UBAP2: variants seen among roughly 807,000 people sequenced by gnomAD.
The protein encoded by UBAP2 is ubiquitin-associated protein 2.
A neutral mutation model predicts 139.6 loss-of-function variants in UBAP2; 75 were observed. That is an observed-to-expected ratio of 0.54 (90% CI 0.45 to 0.65). UBAP2 has a LOEUF of 0.65. Ranked by LOEUF, UBAP2 falls within the 30% of genes least tolerant of loss-of-function variation. The pLI, the probability that UBAP2 is intolerant of heterozygous loss-of-function variation, is 0.00. For missense variants in UBAP2, 1,368 were observed against 1,369.6 expected (o/e 1.00, Z 0.02); for synonymous variants, 526 against 526.2 (o/e 1.00, Z 0.01).
intron 11 of UBAP2, among the ~76,000 whole-genome samples, chr9:33,954,269 T>TATACACACACACACACACAC (rs370755129): frequency 5.0e-5 from 7 of 139,810 alleles, no homozygotes; most frequent in Admixed American, 1.4e-4. Context: ...TGTGTGTATA[T>TATACACACACACACACACAC]ACACACACAC....
chr9:33,967,686 C>T (rs1827576459), intron 8 of UBAP2, among the ~76,000 whole-genome samples: 2 of 152,106 alleles, frequency 1.3e-5, no homozygotes, highest in Admixed American at 1.3e-4. Flanking sequence ...ATCTTGCTTC[C>T]AGATTTTATA....
chr9:34,003,457 C>T (rs547537111), intron 2 of UBAP2, among the ~76,000 whole-genome samples: 8 of 151,114 alleles, frequency 5.3e-5, no homozygotes, highest in East Asian at 3.9e-4. Flanking sequence ...CTGCAACCTC[C>T]GCCTCCCAGG....
At chr9:33,977,035 T>C (rs547265430) in intron 6 of UBAP2, among the ~76,000 whole-genome samples, 20 of 144,990 alleles carry the variant, frequency 1.4e-4, no homozygotes, top group African/African-American at 5.0e-4. Context: ...ACAGTTGTTT[T>C]TTATTTATTT....
At position 34,046,799 on chromosome 9, in the gene UBAP2, C is replaced by T. The variant is rs79887469; in HGVS notation, c.-42+2026G>A. Among the ~76,000 whole-genome samples, 365 of 152,192 alleles carry T rather than the reference C, an allele frequency of 2.4e-3. 3 individuals carry two copies. The highest frequency in any genetic ancestry group is 7.9e-3 in the African/African-American group (328 of 41,524). Reference sequence around the variant, plus strand: ...CAATACAAGTACATATTGAAATAAACCTATTAGTCTACATGTTCTCACACC... The same window carrying T: ...CAATACAAGTACATATTGAAATAAATCTATTAGTCTACATGTTCTCACACC... On this transcript the variant is annotated intron_variant, in intron 1 of 28. Transcript: ENST00000379238.
intron 4 of UBAP2, chr9:33,995,415 A>ATATTTATAT (rs2131176166): frequency 7.3e-6 from 1 of 137,012 alleles, no homozygotes; most frequent in African/African-American, 2.8e-5. Flanking sequence ...TAAAGTATAT[A>ATATTTATAT]TATTTATATA....
In UBAP2 at chr9:34,005,186, C is replaced by T. The variant is rs942413830; in HGVS notation, c.100-6322G>A. Among the ~76,000 whole-genome samples, 6 of 151,502 alleles carry T rather than the reference C, an allele frequency of 4.0e-5. No homozygotes were observed. In the East Asian group the frequency reaches 5.8e-4, roughly 15 times the overall value. ...GTTGAGGCACAAGAATCATTTGAAC[C>T]CGAGAGGCGGAGGTTGCAGTGAGCT... On this transcript the variant is annotated intron_variant, in intron 2 of 28. Coordinates refer to ENST00000379238, the MANE Select transcript of UBAP2 (RefSeq NM_001370062.2).
intron 12 of UBAP2, among the ~76,000 whole-genome samples, chr9:33,949,842 C>T (rs1328469206): frequency 6.6e-6 from 1 of 152,160 alleles, no homozygotes; most frequent in East Asian, 1.9e-4. Context: ...ACCATAGACA[C>T]TGCTATTTTC....
At chr9:33,949,732 C>A (rs973220102) in intron 12 of UBAP2, among the ~76,000 whole-genome samples, 1 of 152,106 alleles carries the variant, frequency 6.6e-6, no homozygotes, top group East Asian at 1.9e-4. Context: ...TGCACGCGCA[C>A]ACACGCACAA....
At position 33,981,096 on chromosome 9, in the gene UBAP2, TATTCTGG is replaced by T. The variant is rs1298189546; in HGVS notation, c.520+5657_520+5663del. ...ATATATATATATATATATATATATA[TATTCTGG>T]ATATATATATATATATATATATATA... On this transcript the variant is annotated intron_variant, in intron 6 of 28. Coordinates refer to ENST00000379238, the MANE Select transcript of UBAP2 (RefSeq NM_001370062.2). Among the ~76,000 whole-genome samples, 8 of 7,408 alleles carry T rather than the reference TATTCTGG, an allele frequency of 1.1e-3. 3 individuals carry two copies. In the South Asian group the frequency reaches 0.029, roughly 27 times the overall value. 4.9% of individuals were successfully genotyped at this position (7,408 alleles called of 152,430 possible).
At chr9:33,925,364 C>T (rs540434448) in intron 22 of UBAP2, among the ~76,000 whole-genome samples, 54 of 152,260 alleles carry the variant, frequency 3.5e-4, no homozygotes, top group Middle Eastern at 3.4e-3. Flanking sequence ...TCACAGAACA[C>T]GAGAATTCTC....
At position 33,981,126 on chromosome 9, in the gene UBAP2, A is replaced by C. The variant is rs1341228160; in HGVS notation, c.520+5634T>G. On this transcript the variant is annotated intron_variant, in intron 6 of 28. Transcript: ENST00000379238. Reference sequence around the variant, plus strand: ...TGGATATATATATATATATATATATATATATATATATTCTGGATATATATA... The same window carrying C: ...TGGATATATATATATATATATATATCTATATATATATTCTGGATATATATA... 8.7e-5 allele frequency among the ~76,000 whole-genome samples: 2 copies of C among 23,014 alleles called. 1 individual carries two copies. The highest frequency in any genetic ancestry group is 1.7e-4 in the Non-Finnish European group (2 of 11,490). 15.1% of individuals were successfully genotyped at this position (23,014 alleles called of 152,430 possible). A position where few individuals can be genotyped will look rare whatever the true frequency, so the allele number is the denominator to read the frequency against.
intron 1 of UBAP2, among the ~76,000 whole-genome samples, chr9:34,038,143 GAAAAAAAAAA>G (rs78650365): frequency 1.9e-4 from 24 of 127,224 alleles, no homozygotes; most frequent in African/African-American, 2.9e-4. Context: ...TCCAGCCTGG[GAAAAAAAAAA>G]AAAAAAAAAA....
intron 22 of UBAP2, 149 bp from the exon 23 acceptor site, chr9:33,924,433 T>G: frequency 1.3e-6 from 1 of 762,726 alleles, no homozygotes; most frequent in East Asian, 2.7e-5. Context: ...AAGTAAATGG[T>G]GCCCCTCGGA....
intron 10 of UBAP2, among the ~76,000 whole-genome samples, chr9:33,960,067 C>A (rs556828601): frequency 4.6e-5 from 7 of 151,998 alleles, no homozygotes; most frequent in African/African-American, 1.7e-4. Flanking sequence ...GTAGCTGAGA[C>A]TACAGATGCA....
At chr9:34,011,114 G>A (rs1047072162) in intron 2 of UBAP2, among the ~76,000 whole-genome samples, 27 of 152,212 alleles carry the variant, frequency 1.8e-4, no homozygotes, top group African/African-American at 6.5e-4. Flanking sequence ...ACAAGCACTT[G>A]ATGGGTGAAA....
chr9:34,044,975 G>C (rs1015322207), intron 1 of UBAP2, among the ~76,000 whole-genome samples: 1 of 137,182 alleles, frequency 7.3e-6, no homozygotes, highest in Non-Finnish European at 1.6e-5. Context: ...TAGTTAACTG[G>C]ATTCCAATTC....
At chr9:33,975,699 G>A (rs997882255) in intron 6 of UBAP2, among the ~76,000 whole-genome samples, 2 of 151,560 alleles carry the variant, frequency 1.3e-5, no homozygotes, top group Non-Finnish European at 2.9e-5. Flanking sequence ...CCAGCTACTC[G>A]GGAGGCTGAG....
At position 33,953,467 on chromosome 9, in the gene UBAP2, G is replaced by C. The variant is rs949682541; in HGVS notation, c.874C>G (p.Leu292Val). Reference protein sequence around the residue: ...NHILPGQSIDLVALLQKPVPH... With the variant: ...NHILPGQSIDVVALLQKPVPH... ...ACAGGCTTCTGGAGCAAGGCTACCA[G>C]ATCAATGCTAAGCAGACAAAAAGCA... Residue 292 changes from leucine to valine, a missense_variant, in exon 12 of 29, where the codon CTG (leucine) becomes GTG (valine). Transcript: ENST00000379238. The C allele has an allele frequency of 7.4e-6, 12 of 1,613,740 alleles. No individual in the cohort carries two copies. In the Admixed American group the frequency reaches 8.3e-5, roughly 11 times the overall value.
At chr9:33,940,754 G>C (rs542673409) in intron 16 of UBAP2, among the ~76,000 whole-genome samples, 144 of 152,254 alleles carry the variant, frequency 9.5e-4, no homozygotes, top group African/African-American at 2.7e-3. Flanking sequence ...ACTCTAACCT[G>C]GGTGACAAAG....
Sources: allele counts gnomAD v4.1 joint callset (sites outside exome capture counted in the v4.1 genomes callset), GRCh38; gene constraint gnomAD v4.1.1; transcripts MANE v1.5; gene names NCBI Gene and HGNC (gene_info 2026-07-23, HGNC 2026-07-21).